PELI1: variants seen among roughly 807,000 people sequenced by gnomAD.
PELI1 encodes the protein E3 ubiquitin-protein ligase pellino homolog 1.
Under a neutral mutation model 41.3 loss-of-function variants are expected in PELI1, and 15 were observed. That is an observed-to-expected ratio of 0.36 (90% CI 0.24 to 0.56). The LOEUF (loss-of-function observed/expected upper bound fraction) is 0.56, where lower values mean the gene tolerates loss of function less well. PELI1 is among the 20% of genes least tolerant of loss of function. The probability of loss-of-function intolerance (pLI) is 0.82; values close to 1 mark genes in which losing one functional copy is unlikely to be tolerated. For missense variants in PELI1, 403 were observed against 525.5 expected (o/e 0.77, Z 2.28); for synonymous variants, 178 against 180.1 (o/e 0.99, Z 0.09).
intron 1 of PELI1, among the ~76,000 whole-genome samples, chr2:64,138,217 G>A (rs1486148781): frequency 6.6e-6 from 1 of 152,054 alleles, no homozygotes; most frequent in Non-Finnish European, 1.5e-5. Context: ...CACTACAGGT[G>A]CAAGCCACTA....
intron 1 of PELI1, among the ~76,000 whole-genome samples, chr2:64,109,796 A>C (rs1222408539): frequency 6.6e-6 from 1 of 152,256 alleles, no homozygotes; most frequent in Non-Finnish European, 1.5e-5. Context: ...AAAACTGAAC[A>C]GTGGAAATTA....
intron 2 of PELI1, among the ~76,000 whole-genome samples, chr2:64,107,682 A>ATT (rs1250123733): frequency 9.7e-4 from 141 of 145,390 alleles, no homozygotes; most frequent in Admixed American, 3.0e-3. Flanking sequence ...ATTTCATTTC[A>ATT]TTTTTTTTTT....
chr2:64,136,421 C>A (rs1426683592), intron 1 of PELI1, among the ~76,000 whole-genome samples: 1 of 152,036 alleles, frequency 6.6e-6, no homozygotes, highest in East Asian at 1.9e-4. Flanking sequence ...ACTAAAGGGA[C>A]AAAAACTCTG....
At chr2:64,125,777 T>C (rs1057022678) in intron 1 of PELI1, among the ~76,000 whole-genome samples, 5 of 152,214 alleles carry the variant, frequency 3.3e-5, no homozygotes, top group African/African-American at 1.2e-4. Context: ...AACCCGAATC[T>C]GAATCCGCAA....
chr2:64,108,844 A>G (rs1680706224), intron 1 of PELI1, among the ~76,000 whole-genome samples: 1 of 152,214 alleles, frequency 6.6e-6, no homozygotes, highest in South Asian at 2.1e-4. Context: ...AAGAGCCACA[A>G]CAAAAGCTTG....
chr2:64,100,753 G>A (rs1208731007), intron 3 of PELI1, among the ~76,000 whole-genome samples: 1 of 152,054 alleles, frequency 6.6e-6, no homozygotes, highest in Non-Finnish European at 1.5e-5. Context: ...TAAAGACAGA[G>A]TCTTGCTCTG....
At chr2:64,102,440 A>G (rs937138445) in intron 3 of PELI1, among the ~76,000 whole-genome samples, 5 of 152,080 alleles carry the variant, frequency 3.3e-5, no homozygotes, top group Admixed American at 6.6e-5. Context: ...AGGCAGGAAA[A>G]TGGCACACTA....
At chr2:64,114,902 A>C in intron 1 of PELI1, among the ~76,000 whole-genome samples, 1 of 152,178 alleles carries the variant, frequency 6.6e-6, no homozygotes, top group South Asian at 2.1e-4. Context: ...TGTTCTTAGG[A>C]TGGAAATTTC....
chr2:64,100,812 C>T (rs1465278971), intron 3 of PELI1, among the ~76,000 whole-genome samples: 8 of 152,158 alleles, frequency 5.3e-5, no homozygotes, highest in South Asian at 2.1e-4. Context: ...CTGCAACCGC[C>T]GCCTCCCAGG....
Position 64,134,540 on chromosome 2 carries a change from C to T in PELI1, c.-70+9541G>A, listed in dbSNP as rs937444941. Among the ~76,000 whole-genome samples, 6 of 152,054 alleles carry T rather than the reference C, an allele frequency of 3.9e-5. No individual in the cohort carries two copies. In the East Asian group the frequency reaches 7.7e-4, roughly 19 times the overall value. Reference sequence around the variant, plus strand: ...GGACCGGTTTCTAATTAGAAGCAGCCGCTACTTTACAAAAGATACGTATTT... The same window carrying T: ...GGACCGGTTTCTAATTAGAAGCAGCTGCTACTTTACAAAAGATACGTATTT... On this transcript the variant is annotated intron_variant, in intron 1 of 6. Transcript: ENST00000358912.
intron 1 of PELI1, among the ~76,000 whole-genome samples, chr2:64,128,797 T>G (rs1157535789): frequency 6.6e-6 from 1 of 152,166 alleles, no homozygotes; most frequent in Non-Finnish European, 1.5e-5. Flanking sequence ...ATAGTAACAT[T>G]TGTCAAACTC....
chr2:64,096,628 A>G lies in PELI1; in HGVS notation c.304-18T>C. On this transcript the variant is annotated intron_variant, in intron 4 of 6. Transcript: ENST00000358912. ...CGGCCAATCTGAGGGAAAAAAAAAAATACCTATAAACCCATTCAAAGAGCA... is the reference window on the plus strand; with the variant it reads ...CGGCCAATCTGAGGGAAAAAAAAAAGTACCTATAAACCCATTCAAAGAGCA... 1 of 1,529,004 alleles carries G rather than the reference A, an allele frequency of 6.5e-7. No individual in the cohort carries two copies. The highest frequency in any genetic ancestry group is 9.0e-7 in the Non-Finnish European group (1 of 1,106,136). 94.7% of individuals were successfully genotyped at this position (1,529,004 alleles called of 1,614,324 possible).
chr2:64,141,924 C>T (rs1046331762), intron 1 of PELI1, among the ~76,000 whole-genome samples: 1 of 152,144 alleles, frequency 6.6e-6, no homozygotes, highest in Admixed American at 6.5e-5. Context: ...TACAAATGTT[C>T]CTGGTAAATC....
At chr2:64,095,335 G>T in intron 6 of PELI1, 67 bp from the exon 7 acceptor site, 1 of 1,032,392 alleles carries the variant, frequency 9.7e-7, no homozygotes, top group Non-Finnish European at 1.5e-6. Context: ...AAGTGTTTTG[G>T]TTTTAAGTAC....
intron 1 of PELI1, among the ~76,000 whole-genome samples, chr2:64,121,411 A>G (rs1340628882): frequency 2.6e-5 from 4 of 152,208 alleles, no homozygotes; most frequent in Non-Finnish European, 5.9e-5. Context: ...TTTCCTGCTT[A>G]ATCCTAGGGA....
chr2:64,106,365 A>C (rs1289976151), intron 2 of PELI1: 2 of 152,226 alleles, frequency 1.3e-5, no homozygotes, highest in Non-Finnish European at 2.9e-5. Flanking sequence ...AGAGACAATT[A>C]CTGTTGCTAA....
At chr2:64,132,882 A>G (rs2103738525) in intron 1 of PELI1, among the ~76,000 whole-genome samples, 1 of 152,350 alleles carries the variant, frequency 6.6e-6, no homozygotes, top group Admixed American at 6.5e-5. Context: ...AGCCATACTT[A>G]CTGAATTAGC....
intron 4 of PELI1, among the ~76,000 whole-genome samples, chr2:64,097,994 T>TATAGCC (rs1361514954): frequency 2.0e-5 from 3 of 152,114 alleles, no homozygotes; most frequent in Non-Finnish European, 4.4e-5. Context: ...AGCTAAAAGA[T>TATAGCC]ATAGGCCAAG....
At chr2:64,099,464 A>C (rs1362523799) in intron 4 of PELI1, among the ~76,000 whole-genome samples, 6 of 152,216 alleles carry the variant, frequency 3.9e-5, no homozygotes, top group Non-Finnish European at 8.8e-5. Flanking sequence ...TATTTTTGGT[A>C]AAAGTGAGGA....
Sources: allele counts gnomAD v4.1 joint callset (sites outside exome capture counted in the v4.1 genomes callset), GRCh38; gene constraint gnomAD v4.1.1; transcripts MANE v1.5; gene names NCBI Gene and HGNC (gene_info 2026-07-23, HGNC 2026-07-21).